TCF7L2: variants seen among roughly 807,000 people sequenced by gnomAD.
TCF7L2 encodes the protein transcription factor 7 like 2.
Under a neutral mutation model 77.9 loss-of-function variants are expected in TCF7L2, and 23 were observed. The observed-to-expected ratio is 0.30, with a 90% CI of 0.21 to 0.42. The LOEUF is 0.42. TCF7L2 is among the 10% of genes least tolerant of loss of function. TCF7L2 has a pLI of 1.00. For missense variants in TCF7L2, 654 were observed against 793.1 expected (o/e 0.82, Z 2.11); for synonymous variants, 413 against 340.2 (o/e 1.21, Z -2.36).
At chr10:112,977,787 C>T (rs1258410130) in intron 4 of TCF7L2, among the ~76,000 whole-genome samples, 4 of 152,106 alleles carry the variant, frequency 2.6e-5, no homozygotes, top group Non-Finnish European at 4.4e-5. Context: ...GCAGGCCACT[C>T]GGGGGAGGCA....
In TCF7L2 at chr10:113,015,854, T is replaced by A. The variant is rs190636095; in HGVS notation, c.451-24171T>A. ...AAGGATGAGAATCAGTAACGTAACG[T>A]GTGCTTCAGATTGTGGACAAGTGAT... On this transcript the variant is annotated intron_variant, in intron 4 of 13. Coordinates refer to ENST00000627217, the MANE Select transcript of TCF7L2 (RefSeq NM_001146274.2). Among the ~76,000 whole-genome samples, 214 of 152,280 alleles carry A rather than the reference T, an allele frequency of 1.4e-3. 2 individuals carry two copies. Among genetic ancestry groups the A allele is most frequent in the Non-Finnish European group, 1.2e-3 (83 of 68,026 alleles).
chr10:113,063,893 C>CAT (rs139112555), intron 5 of TCF7L2, among the ~76,000 whole-genome samples: 2 of 147,056 alleles, frequency 1.4e-5, no homozygotes, highest in Admixed American at 6.8e-5. Context: ...ATGGATGTGG[C>CAT]GTGTGTGTGT....
At chr10:113,043,651 C>T (rs1277558743) in intron 5 of TCF7L2, among the ~76,000 whole-genome samples, 1 of 152,118 alleles carries the variant, frequency 6.6e-6, no homozygotes, top group Non-Finnish European at 1.5e-5. Flanking sequence ...AACTCAGAGA[C>T]ATTAGCCACA....
intron 5 of TCF7L2, among the ~76,000 whole-genome samples, chr10:113,118,760 T>C (rs1207632402): frequency 2.0e-5 from 3 of 151,898 alleles, no homozygotes; most frequent in Non-Finnish European, 4.4e-5. Flanking sequence ...TTATAAACTT[T>C]CTATTAAAGT....
chr10:113,063,379 CA>C (rs988666491), intron 5 of TCF7L2, among the ~76,000 whole-genome samples: 5 of 152,156 alleles, frequency 3.3e-5, no homozygotes, highest in African/African-American at 1.2e-4. Context: ...TATGTTGGGC[CA>C]AAAGACAGGC....
At chr10:112,969,077 AACTTCTGATAAAGAGCTC>A (rs1433355356) in intron 4 of TCF7L2, among the ~76,000 whole-genome samples, 1 of 152,146 alleles carries the variant, frequency 6.6e-6, no homozygotes, top group African/African-American at 2.4e-5. Context: ...CCCAGAGGCT[AACTTCTGATAAAGAGCTC>A]CCCAGAAGTC....
chr10:113,036,098 T>TATCATC (rs1183058281), intron 4 of TCF7L2, among the ~76,000 whole-genome samples: 2 of 140,988 alleles, frequency 1.4e-5, no homozygotes, highest in African/African-American at 5.3e-5. Context: ...TTTGTCGCCA[T>TATCATC]ATCATCATCA....
chr10:113,060,087 G>GAT (rs1343222691), intron 5 of TCF7L2, among the ~76,000 whole-genome samples: 1 of 152,216 alleles, frequency 6.6e-6, no homozygotes, highest in Non-Finnish European at 1.5e-5. Flanking sequence ...CTGTTCAGCG[G>GAT]ATACCCTGTT....
intron 5 of TCF7L2, among the ~76,000 whole-genome samples, chr10:113,117,410 TC>T (rs1564916333): frequency 5.6e-4 from 25 of 44,604 alleles, no homozygotes; most frequent in South Asian, 2.1e-3. Flanking sequence ...TCTCTCTCTC[TC>T]TCTCTCTCTC....
In TCF7L2 at chr10:113,119,930, A is replaced by G. The variant is rs1349183775; in HGVS notation, c.553-21254A>G. Among the ~76,000 whole-genome samples, 5 of 152,342 alleles carry G rather than the reference A, an allele frequency of 3.3e-5. No homozygotes were observed. The East Asian group carries it at 9.6e-4, about 29-fold the overall frequency. ...GCTTGGCCTCCAAGGATCTTCAGTG[A>G]GAGACATTATTCTTGGAATATCCAA... On this transcript the variant is annotated intron_variant, in intron 5 of 13. Transcript: ENST00000627217.
In TCF7L2 at chr10:112,950,653, T is replaced by A. The variant is rs2030709242; in HGVS notation, c.-104T>A. The A allele has an allele frequency of 1.5e-6, 2 of 1,370,940 alleles. No individual in the cohort carries two copies. The highest frequency in any genetic ancestry group is 2.0e-6 in the Non-Finnish European group (2 of 1,019,126). The allele number at this position is 1,370,940 out of a possible 1,614,324, so 84.9% of individuals were successfully genotyped here. ...GTTCACCTTGGACTCGTCTTTTTCT[T>A]GCAATATTTTTTGGGGGGGCAAAAC... On this transcript the variant is annotated 5_prime_UTR_variant, in exon 1 of 14. Coordinates refer to ENST00000627217, the MANE Select transcript of TCF7L2 (RefSeq NM_001146274.2).
intron 13 of TCF7L2, among the ~76,000 whole-genome samples, chr10:113,160,960 T>A (rs1323068580): frequency 1.3e-5 from 2 of 152,174 alleles, no homozygotes; most frequent in Non-Finnish European, 2.9e-5. Flanking sequence ...GGGGCACTTA[T>A]CTTTTTGCTT....
rs190552429 is a variant in TCF7L2, at chr10:112,982,710, C to T, written c.450+18086C>T. 5.7e-3 allele frequency among the ~76,000 whole-genome samples: 862 copies of T among 152,252 alleles called. 4 individuals are homozygous for T. Among genetic ancestry groups the T allele is most frequent in the Admixed American group, 0.012 (186 of 15,296 alleles). On this transcript the variant is annotated intron_variant, in intron 4 of 13. Transcript: ENST00000627217. ...ATCTTGGCTCATTGCAGCCTCCATC[C>T]ACCTCCCGGATTCAAACAATTCTCC...
intron 13 of TCF7L2, among the ~76,000 whole-genome samples, chr10:113,160,998 G>A (rs954870524): frequency 6.6e-6 from 1 of 152,126 alleles, no homozygotes; most frequent in Non-Finnish European, 1.5e-5. Context: ...GAGCTGGTCC[G>A]GCCCTATGAA....
intron 4 of TCF7L2, among the ~76,000 whole-genome samples, chr10:113,000,460 C>A (rs373934084): frequency 5.3e-5 from 8 of 152,196 alleles, no homozygotes; most frequent in African/African-American, 1.9e-4. Flanking sequence ...ATAGTATGGC[C>A]GGTCTTTTTA....
At chr10:113,090,049 T>C (rs920323326) in intron 5 of TCF7L2, among the ~76,000 whole-genome samples, 7 of 152,244 alleles carry the variant, frequency 4.6e-5, no homozygotes, top group Admixed American at 4.6e-4. Flanking sequence ...TGAATGGCTT[T>C]ACTCGCAGAT....
At chr10:113,067,730 G>A (rs564854565) in intron 5 of TCF7L2, among the ~76,000 whole-genome samples, 2 of 152,242 alleles carry the variant, frequency 1.3e-5, no homozygotes, top group African/African-American at 4.8e-5. Context: ...ATGTGACCTT[G>A]AGCAAGTCTT....
intron 4 of TCF7L2, among the ~76,000 whole-genome samples, chr10:113,004,949 A>T (rs1344591610): frequency 6.6e-6 from 1 of 152,082 alleles, no homozygotes; most frequent in East Asian, 1.9e-4. Context: ...CTGTGATTAC[A>T]GGTGTGAGCC....
At chr10:113,096,939 A>AC (rs1202068107) in intron 5 of TCF7L2, among the ~76,000 whole-genome samples, 1 of 151,662 alleles carries the variant, frequency 6.6e-6, no homozygotes, top group Non-Finnish European at 1.5e-5. Context: ...AGGACATGGG[A>AC]CCCCCCTGCT....
Sources: allele counts gnomAD v4.1 joint callset (sites outside exome capture counted in the v4.1 genomes callset), GRCh38; gene constraint gnomAD v4.1.1; transcripts MANE v1.5; gene names NCBI Gene and HGNC (gene_info 2026-07-23, HGNC 2026-07-21).